Variants in QTGAL observed in about 807,000 individuals in gnomAD.
The protein encoded by QTGAL is queuosine-tRNA galactosyltransferase, also known as BGnT-like protein 1.
chr17:82,980,284 C>A, the QTGAL span, among the ~76,000 whole-genome samples: 3 of 152,168 alleles, frequency 2.0e-5, no homozygotes, highest in Admixed American at 2.0e-4. Flanking sequence ...GAAGCCCCCA[C>A]GTAGAAAAGG....
chr17:82,962,567 G>T, the QTGAL span, among the ~76,000 whole-genome samples: 1 of 113,084 alleles, frequency 8.8e-6, no homozygotes, highest in African/African-American at 2.9e-5. Flanking sequence ...GTGATTTAGG[G>T]TGGAGGTTCC....
At chr17:83,050,662 G>T in the QTGAL span, among the ~76,000 whole-genome samples, 1 of 152,226 alleles carries the variant, frequency 6.6e-6, no homozygotes, top group Admixed American at 6.5e-5. Context: ...CCCTGCATCG[G>T]CCTATTGGCT....
At chr17:83,015,535 T>A in the QTGAL span, among the ~76,000 whole-genome samples, 1 of 152,234 alleles carries the variant, frequency 6.6e-6, no homozygotes, top group African/African-American at 2.4e-5. This position sits in a 1 kb window ranked among gnomAD's most constrained non-coding sequence, Gnocchi z 4.4. Context: ...ATATACATGG[T>A]ATTTTCCCCT....
the QTGAL span, among the ~76,000 whole-genome samples, chr17:82,961,731 C>T: frequency 1.3e-5 from 2 of 152,270 alleles, no homozygotes; most frequent in East Asian, 3.8e-4. Flanking sequence ...GAAACTTGAA[C>T]CTCAGCCCAC....
At chr17:83,051,094 G>C in the QTGAL span, among the ~76,000 whole-genome samples, 2 of 147,090 alleles carry the variant, frequency 1.4e-5, no homozygotes, top group Non-Finnish European at 3.0e-5. Flanking sequence ...AGGCAGGTGC[G>C]CGCGGCAGGT....
chr17:82,959,967 C>T, the QTGAL span, among the ~76,000 whole-genome samples: 8 of 152,282 alleles, frequency 5.3e-5, no homozygotes, highest in Middle Eastern at 3.4e-3. Flanking sequence ...CAGAGGAAGC[C>T]GTGGCCCCGC....
chr17:82,997,262 CAAAT>C, the QTGAL span, among the ~76,000 whole-genome samples: 6 of 152,290 alleles, frequency 3.9e-5, no homozygotes, highest in East Asian at 1.2e-3. Context: ...CAAAAGAAGA[CAAAT>C]AGCAAACAGG....
chr17:83,017,730 GTGCC>G, the QTGAL span, among the ~76,000 whole-genome samples: 1 of 152,256 alleles, frequency 6.6e-6, no homozygotes, highest in Non-Finnish European at 1.5e-5. Flanking sequence ...GACACACGGT[GTGCC>G]TGCATCGAGT....
chr17:82,942,795 C>G, the QTGAL span: 1 of 428,356 alleles, frequency 2.3e-6, no homozygotes, highest in African/African-American at 2.0e-5. Flanking sequence ...GTGGGCTGCA[C>G]TCCTCCTGCC....
chr17:82,994,491 T>C, the QTGAL span, among the ~76,000 whole-genome samples: 1 of 152,048 alleles, frequency 6.6e-6, no homozygotes, highest in Admixed American at 6.5e-5. Flanking sequence ...CTACCAAGAC[T>C]GAACCATGAA....
the QTGAL span, among the ~76,000 whole-genome samples, chr17:83,042,221 C>T: frequency 7.2e-5 from 11 of 152,148 alleles, no homozygotes; most frequent in East Asian, 1.2e-3. Context: ...ACAAAACTTA[C>T]GCAGGCGTGC....
chr17:82,974,294 A>C, the QTGAL span, among the ~76,000 whole-genome samples: 1 of 152,124 alleles, frequency 6.6e-6, no homozygotes. Context: ...TGACAAGCTG[A>C]CCCTGGACAC....
chr17:82,990,064 C>A, the QTGAL span, among the ~76,000 whole-genome samples: 1 of 152,206 alleles, frequency 6.6e-6, no homozygotes, highest in African/African-American at 2.4e-5. Context: ...TTTTGAAACT[C>A]CTCTGTGATT....
At chr17:82,958,835 G>A in the QTGAL span, among the ~76,000 whole-genome samples, 2 of 135,662 alleles carry the variant, frequency 1.5e-5, no homozygotes, top group Non-Finnish European at 1.6e-5. Flanking sequence ...TGTATGGTGT[G>A]TGTGTGTGTA....
chr17:83,026,260 G>A, the QTGAL span, among the ~76,000 whole-genome samples: 1 of 152,220 alleles, frequency 6.6e-6, no homozygotes, highest in Non-Finnish European at 1.5e-5. Context: ...TGCCCTGGGA[G>A]CTGGCAATTC....
chr17:83,048,466 C>T, the QTGAL span: 1 of 1,599,532 alleles, frequency 6.3e-7, no homozygotes, highest in Non-Finnish European at 8.6e-7. Context: ...AGCATGTTTA[C>T]TTACCGCCTC....
chr17:82,942,447 A>G, the QTGAL span: 2 of 1,613,944 alleles, frequency 1.2e-6, no homozygotes, highest in East Asian at 4.5e-5. Flanking sequence ...TCTCTTCTTC[A>G]GCCTGGTGCC....
At chr17:82,991,161 G>A in the QTGAL span, among the ~76,000 whole-genome samples, 1 of 152,178 alleles carries the variant, frequency 6.6e-6, no homozygotes, top group Non-Finnish European at 1.5e-5. Context: ...AAACTTTTGT[G>A]AACTGGGTTA....
chr17:82,961,402 G>T, the QTGAL span: 1 of 478,878 alleles, frequency 2.1e-6, no homozygotes, highest in Non-Finnish European at 3.8e-6. Context: ...GGAAGGGAGG[G>T]TGGGCTGGGT....
Sources: allele counts gnomAD v4.1 joint callset (sites outside exome capture counted in the v4.1 genomes callset), GRCh38; gene constraint gnomAD v4.1.1; non-coding constraint Gnocchi (gnomAD v3.1); transcripts MANE v1.5; gene names NCBI Gene and HGNC (gene_info 2026-07-23, HGNC 2026-07-21).